CADPS: variants seen among roughly 807,000 people sequenced by gnomAD.
CADPS encodes calcium dependent secretion activator, also known as calcium-dependent secretion activator 1.
Under a neutral mutation model 167.3 loss-of-function variants are expected in CADPS, and 57 were observed. That is an observed-to-expected ratio of 0.34 (90% CI 0.28 to 0.42). CADPS has a LOEUF of 0.42. Ranked by LOEUF, CADPS falls within the 20% of genes least tolerant of loss-of-function variation. The pLI is 1.00. For synonymous variants in CADPS, 676 were observed against 635.3 expected (o/e 1.06, Z -0.96); for missense variants, 1,414 against 1,738.1 (o/e 0.81, Z 3.32).
chr3:62,659,804 G>A (rs747249443), intron 4 of CADPS, among the ~76,000 whole-genome samples: 1 of 152,188 alleles, frequency 6.6e-6, no homozygotes, highest in Non-Finnish European at 1.5e-5. Context: ...TAGCTATATA[G>A]CAAGGGGGCC....
At chr3:62,444,498 C>T (rs1020197225) in intron 27 of CADPS, among the ~76,000 whole-genome samples, 10 of 152,168 alleles carry the variant, frequency 6.6e-5, no homozygotes, top group Admixed American at 2.6e-4. Context: ...TAGCTCCCCA[C>T]GAAGGGAAAG....
intron 3 of CADPS, among the ~76,000 whole-genome samples, chr3:62,669,047 C>T (rs906988267): frequency 2.0e-5 from 3 of 152,150 alleles, no homozygotes; most frequent in African/African-American, 7.2e-5. Flanking sequence ...CAGTCTCTTT[C>T]CTGATTAAAG....
chr3:62,511,326 A>G (rs2067777079), intron 17 of CADPS, among the ~76,000 whole-genome samples: 1 of 152,150 alleles, frequency 6.6e-6, no homozygotes, highest in East Asian at 1.9e-4. Flanking sequence ...CGTTGAATTA[A>G]TTACAGAGTA....
chr3:62,593,206 G>GC (rs2086453277), intron 6 of CADPS, among the ~76,000 whole-genome samples: 1 of 152,174 alleles, frequency 6.6e-6, no homozygotes, highest in Non-Finnish European at 1.5e-5. Context: ...GAGGTGGGGA[G>GC]CCCCATTTTC....
intron 2 of CADPS, among the ~76,000 whole-genome samples, 185 bp downstream of exon 2, chr3:62,765,686 C>G (rs1420889184): frequency 6.6e-6 from 1 of 152,164 alleles, no homozygotes; most frequent in Non-Finnish European, 1.5e-5. Flanking sequence ...TAGTAGCTTA[C>G]ATTTAGTTTT....
At chr3:62,576,266 G>A (rs2082245527) in intron 8 of CADPS, among the ~76,000 whole-genome samples, 1 of 152,190 alleles carries the variant, frequency 6.6e-6, no homozygotes, top group Non-Finnish European at 1.5e-5. Flanking sequence ...GACTAAAGGA[G>A]AAACACCTAA....
At chr3:62,851,551 T>A (rs1289273019) in intron 1 of CADPS, among the ~76,000 whole-genome samples, 3 of 146,496 alleles carry the variant, frequency 2.0e-5, no homozygotes, top group Non-Finnish European at 4.5e-5. Context: ...TTTGGCTGGA[T>A]ATGAAATTCT....
chr3:62,492,211 G>T, intron 20 of CADPS, 79 bp downstream of exon 20: 1 of 1,243,534 alleles, frequency 8.0e-7, no homozygotes, highest in Non-Finnish European at 1.2e-6. Flanking sequence ...CCTGTAGTCT[G>T]CTTGGGATAA....
intron 6 of CADPS, among the ~76,000 whole-genome samples, chr3:62,613,186 G>GA (rs2061737249): frequency 6.6e-6 from 1 of 152,166 alleles, no homozygotes; most frequent in East Asian, 1.9e-4. Context: ...ACAGGGTGTG[G>GA]AAGCACAGCT....
intron 10 of CADPS, among the ~76,000 whole-genome samples, chr3:62,555,093 T>C (rs1469804016): frequency 6.6e-6 from 1 of 152,170 alleles, no homozygotes; most frequent in Non-Finnish European, 1.5e-5. Flanking sequence ...GACTTTCCCA[T>C]GACAACTGAG....
chr3:62,788,226 G>A (rs1265572464), intron 1 of CADPS, among the ~76,000 whole-genome samples: 1 of 152,114 alleles, frequency 6.6e-6, no homozygotes, highest in African/African-American at 2.4e-5. Context: ...TTTACAAAGT[G>A]CATGAATGAA....
At chr3:62,491,558 AACACACACACACAC>A (rs35911391) in intron 20 of CADPS, 78 bp from the exon 21 acceptor site, 5 of 526,740 alleles carry the variant, frequency 9.5e-6, no homozygotes, top group Non-Finnish European at 1.6e-5. Context: ...CACACACACA[AACACACACACACAC>A]ACACACACAC....
intron 9 of CADPS, among the ~76,000 whole-genome samples, chr3:62,569,108 AT>A (rs902395032): frequency 2.6e-5 from 4 of 151,920 alleles, no homozygotes; most frequent in East Asian, 1.9e-4. Context: ...TTAATTATTT[AT>A]TTTTTTTGGA....
At chr3:62,671,769 T>G (rs896326288) in intron 3 of CADPS, among the ~76,000 whole-genome samples, 1 of 151,944 alleles carries the variant, frequency 6.6e-6, no homozygotes, top group Non-Finnish European at 1.5e-5. Context: ...ATTTTCTGTT[T>G]GTTTGTTTTT....
At chr3:62,723,698 G>A (rs944584466) in intron 3 of CADPS, among the ~76,000 whole-genome samples, 6 of 152,162 alleles carry the variant, frequency 3.9e-5, no homozygotes, top group African/African-American at 1.2e-4. Flanking sequence ...TGTCTGAGCC[G>A]CTCAGGAGAT....
chr3:62,851,796 T>G (rs1297906882), intron 1 of CADPS, among the ~76,000 whole-genome samples: 2 of 150,354 alleles, frequency 1.3e-5, no homozygotes, highest in East Asian at 3.9e-4. Context: ...GCATTCTCTG[T>G]ATTTCCTGAA....
intron 6 of CADPS, among the ~76,000 whole-genome samples, chr3:62,613,234 T>C (rs146883322): frequency 5.9e-5 from 9 of 152,308 alleles, no homozygotes; most frequent in African/African-American, 9.6e-5. Context: ...CTTAAACCCC[T>C]GTTCTTCACT....
chr3:62,599,714 A>ATAT, intron 6 of CADPS, among the ~76,000 whole-genome samples: 1 of 48,902 alleles, frequency 2.0e-5, no homozygotes, highest in Non-Finnish European at 3.3e-5. Flanking sequence ...ATTATATAAT[A>ATAT]TATAATATAT....
intron 26 of CADPS, among the ~76,000 whole-genome samples, chr3:62,463,783 G>A (rs1216264011): frequency 1.3e-5 from 2 of 152,166 alleles, no homozygotes; most frequent in Non-Finnish European, 2.9e-5. Flanking sequence ...AGTGAAATTG[G>A]ATGGAATTCC....
Sources: allele counts gnomAD v4.1 joint callset (sites outside exome capture counted in the v4.1 genomes callset), GRCh38; gene constraint gnomAD v4.1.1; transcripts MANE v1.5; gene names NCBI Gene and HGNC (gene_info 2026-07-23, HGNC 2026-07-21).